Variants in TRPM3 observed in about 807,000 individuals in gnomAD.
TRPM3 encodes transient receptor potential cation channel subfamily M member 3.
In TRPM3, 77 loss-of-function variants were observed where a neutral mutation model predicts 181.2. That is an observed-to-expected ratio of 0.42 (90% CI 0.35 to 0.51). The LOEUF (loss-of-function observed/expected upper bound fraction) is 0.51, where lower values mean the gene tolerates loss of function less well. Ranked by LOEUF, TRPM3 falls within the 20% of genes least tolerant of loss-of-function variation. The pLI is 0.01. For synonymous variants in TRPM3, 745 were observed against 796.4 expected (o/e 0.94, Z 1.09); for missense variants, 1,759 against 2,196.7 (o/e 0.80, Z 3.98).
chr9:71,201,354 G>C (rs1235546733), intron 1 of TRPM3, among the ~76,000 whole-genome samples: 2 of 152,014 alleles, frequency 1.3e-5, no homozygotes, highest in African/African-American at 2.4e-5. Context: ...TATGTGTCTT[G>C]GAGTTGTTCT....
chr9:71,167,444 CA>C (rs1565296524), intron 1 of TRPM3, among the ~76,000 whole-genome samples: 1 of 152,198 alleles, frequency 6.6e-6, no homozygotes, highest in Non-Finnish European at 1.5e-5. Context: ...GCCTCATTCA[CA>C]CAACCAATCA....
chr9:70,683,021 G>C (rs1286301929), intron 8 of TRPM3, among the ~76,000 whole-genome samples: 1 of 152,126 alleles, frequency 6.6e-6, no homozygotes, highest in East Asian at 1.9e-4. Context: ...GTTTGTTTAA[G>C]GTCACACAAT....
intron 1 of TRPM3, among the ~76,000 whole-genome samples, chr9:71,156,900 T>TC (rs1451508153): frequency 6.6e-6 from 1 of 152,144 alleles, no homozygotes; most frequent in East Asian, 1.9e-4. Flanking sequence ...CTGACAACTA[T>TC]CCTCCAAGAC....
intron 5 of TRPM3, among the ~76,000 whole-genome samples, chr9:70,840,545 T>A (rs949161183): frequency 1.3e-5 from 2 of 151,902 alleles, no homozygotes; most frequent in East Asian, 3.9e-4. Context: ...AGGCAGACAA[T>A]GTCAGTAAGT....
chr9:71,420,582 GAAAGAA>G (rs2131528567), intron 1 of TRPM3, among the ~76,000 whole-genome samples: 1 of 124,330 alleles, frequency 8.0e-6, no homozygotes, highest in African/African-American at 2.9e-5. Context: ...AAGAGAAAGA[GAAAGAA>G]AAAGAGAAAG....
chr9:71,155,655 C>T (rs1408312075), intron 1 of TRPM3, among the ~76,000 whole-genome samples: 1 of 151,826 alleles, frequency 6.6e-6, no homozygotes, highest in Non-Finnish European at 1.5e-5. Flanking sequence ...GTGCCTGGCA[C>T]AAAGTTCCTA....
chr9:71,107,058 A>G (rs1266191363), intron 1 of TRPM3, among the ~76,000 whole-genome samples: 1 of 152,188 alleles, frequency 6.6e-6, no homozygotes, highest in Non-Finnish European at 1.5e-5. Flanking sequence ...AGGTGGCCAC[A>G]TTGCACTTCA....
chr9:71,026,112 A>G (rs927571528), intron 1 of TRPM3, among the ~76,000 whole-genome samples: 1 of 152,208 alleles, frequency 6.6e-6, no homozygotes, highest in African/African-American at 2.4e-5. Context: ...TGCAGAGTCC[A>G]GAAGGTTTGG....
At chr9:71,430,725 C>T (rs138543976) in intron 1 of TRPM3, among the ~76,000 whole-genome samples, 221 of 152,118 alleles carry the variant, frequency 1.5e-3, no homozygotes, top group Non-Finnish European at 2.0e-3. Flanking sequence ...GCAGGAGAAT[C>T]GCTTGAACTC....
chr9:70,598,389 T>A (rs754319707), intron 21 of TRPM3, 30 bp downstream of exon 21: 3 of 1,607,644 alleles, frequency 1.9e-6, no homozygotes, highest in Non-Finnish European at 2.6e-6. Flanking sequence ...TCTGAAAACT[T>A]ATAACATGGA....
chr9:71,187,226 G>T (rs1013396670), intron 1 of TRPM3, among the ~76,000 whole-genome samples: 1 of 151,830 alleles, frequency 6.6e-6, no homozygotes, highest in Non-Finnish European at 1.5e-5. Context: ...ATTTCTAATT[G>T]GTTAATCTAC....
chr9:71,155,948 T>C (rs1213444822), intron 1 of TRPM3, among the ~76,000 whole-genome samples: 1 of 152,074 alleles, frequency 6.6e-6, no homozygotes, highest in Non-Finnish European at 1.5e-5. Context: ...AGTTACAAAG[T>C]TCTTGAGACT....
At chr9:70,807,004 A>T (rs1332943461) in intron 6 of TRPM3, among the ~76,000 whole-genome samples, 1 of 152,212 alleles carries the variant, frequency 6.6e-6, no homozygotes, top group Non-Finnish European at 1.5e-5. Context: ...ATCCCCAGGG[A>T]ATGAGACACC....
chr9:70,980,929 T>G (rs3935581), intron 1 of TRPM3, among the ~76,000 whole-genome samples: 112 of 152,322 alleles, frequency 7.4e-4, no homozygotes, highest in African/African-American at 2.6e-3. Flanking sequence ...AAAAGTGTAT[T>G]ATATTTATTT....
At chr9:70,597,858 AAATT>A (rs2059293424) in intron 21 of TRPM3, among the ~76,000 whole-genome samples, 1 of 152,194 alleles carries the variant, frequency 6.6e-6, no homozygotes, top group African/African-American at 2.4e-5. Context: ...CAGCACAAAT[AAATT>A]ATGTTTTTCT....
intron 1 of TRPM3, among the ~76,000 whole-genome samples, chr9:71,101,283 A>G (rs1361211301): frequency 6.6e-6 from 1 of 152,106 alleles, no homozygotes; most frequent in African/African-American, 2.4e-5. Context: ...TTCCTCTTAA[A>G]CACCCACAAT....
At chr9:71,146,106 T>G (rs1030207769) in intron 1 of TRPM3, among the ~76,000 whole-genome samples, 11 of 152,154 alleles carry the variant, frequency 7.2e-5, no homozygotes, top group African/African-American at 2.7e-4. Flanking sequence ...ACATATTATC[T>G]TTGTGTATTT....
chr9:70,626,947 C>T (rs904217007), intron 12 of TRPM3, among the ~76,000 whole-genome samples: 11 of 152,112 alleles, frequency 7.2e-5, no homozygotes, highest in Admixed American at 6.6e-5. Flanking sequence ...CTGAGAGCCT[C>T]TTATAATATG....
At chr9:70,960,282 C>A (rs530341114) in intron 1 of TRPM3, among the ~76,000 whole-genome samples, 1 of 152,266 alleles carries the variant, frequency 6.6e-6, no homozygotes, top group African/African-American at 2.4e-5. Context: ...TAGTGAACAG[C>A]ATCTCAGCTC....
Sources: allele counts gnomAD v4.1 joint callset (sites outside exome capture counted in the v4.1 genomes callset), GRCh38; gene constraint gnomAD v4.1.1; transcripts MANE v1.5; gene names NCBI Gene and HGNC (gene_info 2026-07-23, HGNC 2026-07-21).